Variants in CLCN3 observed in about 807,000 individuals in gnomAD.
CLCN3 encodes the protein H(+)/Cl(-) exchange transporter 3.
A neutral mutation model predicts 83.4 loss-of-function variants in CLCN3; 16 were observed. The ratio of observed to expected loss-of-function variants is 0.19; its 90% CI spans 0.13 to 0.29. CLCN3 has a LOEUF of 0.29. Ranked by LOEUF, CLCN3 falls within the 10% of genes least tolerant of loss-of-function variation. The pLI, the probability that CLCN3 is intolerant of heterozygous loss-of-function variation, is 1.00. For synonymous variants in CLCN3, 322 were observed against 346.2 expected, an observed-to-expected ratio of 0.93 and a Z score of 0.78; for missense variants, 544 against 1,006.0, an observed-to-expected ratio of 0.54 and a Z score of 6.21.
In CLCN3 at chr4:169,668,582, A is replaced by G. The variant is rs144884795; in HGVS notation, c.161-11468A>G. On this transcript the variant is annotated intron_variant, in intron 2 of 12. Transcript: ENST00000513761. The stretch of plus-strand genomic sequence containing the variant: ...TCTGACCTCAAAGTGCAGTAAAGTC[A>G]TGGAATTTCTCTACTAGGCCACCTG... Among the ~76,000 whole-genome samples, 162 of 152,250 alleles carry G rather than the reference A, an allele frequency of 1.1e-3. 1 individual carries two copies. Among genetic ancestry groups the G allele is most frequent in the African/African-American group, 3.3e-3 (138 of 41,542 alleles).
At chr4:169,660,553 T>A (rs933350603) in intron 2 of CLCN3, 4 of 653,682 alleles carry the variant, frequency 6.1e-6, no homozygotes, top group Non-Finnish European at 8.7e-6. Flanking sequence ...AATACTGCAG[T>A]ACGTTGTTTA....
At chr4:169,622,173 A>G (rs1055079208) in intron 1 of CLCN3, among the ~76,000 whole-genome samples, 5 of 152,214 alleles carry the variant, frequency 3.3e-5, no homozygotes, top group African/African-American at 4.8e-5. Context: ...AGAAGTCAAT[A>G]TGAATGTATA....
chr4:169,694,107 A>T (rs936134640), intron 7 of CLCN3, among the ~76,000 whole-genome samples: 2 of 152,208 alleles, frequency 1.3e-5, no homozygotes, highest in African/African-American at 4.8e-5. Context: ...GAGGAAAAAA[A>T]AAAGAAGCTA....
chr4:169,692,169 T>C lies in CLCN3; in HGVS notation c.785T>C (p.Leu262Ser). The C allele has an allele frequency of 1.2e-6, 2 of 1,612,682 alleles. No homozygotes were observed. The highest frequency in any genetic ancestry group is 8.5e-7 in the Non-Finnish European group (1 of 1,178,760). ...AGAGGTTACTTGGGAAAATGGACTTTAATGATTAAAACCATCACATTAGTC... is the reference window on the plus strand; with the variant it reads ...AGAGGTTACTTGGGAAAATGGACTTCAATGATTAAAACCATCACATTAGTC... ...IIRGYLGKWT[L>S]MIKTITLVLA... The change falls in exon 7 of 13, where the codon TTA (leucine) becomes TCA (serine). Residue 262 changes from leucine (L) to serine (S), a missense_variant. Leu to Ser is a moderately radical substitution (Grantham distance 145). Around this residue, in one of 6 missense-constraint regions of CLCN3, gnomAD observed 8 missense variants for 44.6 expected, o/e 0.18. Coordinates refer to ENST00000513761, the MANE Select transcript of CLCN3 (RefSeq NM_001829.4).
At chr4:169,714,420 TTTGC>T (rs1733347512) in intron 12 of CLCN3, among the ~76,000 whole-genome samples, 1 of 152,092 alleles carries the variant, frequency 6.6e-6, no homozygotes. Flanking sequence ...CTCATTTAAC[TTTGC>T]AGGACCTCTG....
rs1453457699 is a variant in CLCN3 at position 169,720,813 on chromosome 4, A to C, written c.*816A>C. 2 of 152,666 alleles carry C rather than the reference A, an allele frequency of 1.3e-5. No homozygotes were observed. Among genetic ancestry groups the C allele is most frequent in the African/African-American group, 4.8e-5 (2 of 41,460 alleles). The allele number at this position is 152,666 out of a possible 1,614,324, so 9.5% of individuals were successfully genotyped here. ...CTCATTGTGTGCCGTGTGGCTCAAA[A>C]CCGAAAACAATGAAGCTTGGTTTTA... On this transcript the variant is annotated 3_prime_UTR_variant, in exon 13 of 13. Transcript: ENST00000513761.
intron 11 of CLCN3, among the ~76,000 whole-genome samples, chr4:169,711,314 A>AAAAATCATTTATGTCAATTGCT (rs1733205045): frequency 6.6e-6 from 1 of 152,206 alleles, no homozygotes; most frequent in Non-Finnish European, 1.5e-5. Flanking sequence ...GGTATTTTTC[A>AAAAATCATTTATGTCAATTGCT]AAAATCATTT....
At chr4:169,710,205 G>T (rs1268672448) in intron 11 of CLCN3, among the ~76,000 whole-genome samples, 1 of 152,146 alleles carries the variant, frequency 6.6e-6, no homozygotes, top group African/African-American at 2.4e-5. Context: ...TTTTTTGTGT[G>T]TGTGGGGAGA....
chr4:169,633,361 A>G (rs1342119763), intron 1 of CLCN3, among the ~76,000 whole-genome samples: 1 of 152,222 alleles, frequency 6.6e-6, no homozygotes, highest in Non-Finnish European at 1.5e-5. Flanking sequence ...GCTACTGTGT[A>G]TCTATTACAA....
intron 2 of CLCN3, among the ~76,000 whole-genome samples, chr4:169,636,315 A>G (rs75215890): frequency 0.018 from 2,803 of 152,276 alleles, 72 homozygotes; most frequent in African/African-American, 0.063. Flanking sequence ...CACCACCCCA[A>G]AAGAAACTAC....
chr4:169,655,799 C>T (rs1365486713), intron 2 of CLCN3, among the ~76,000 whole-genome samples: 1 of 152,180 alleles, frequency 6.6e-6, no homozygotes, highest in African/African-American at 2.4e-5. Flanking sequence ...GCCGCCATGC[C>T]TGGGCCAATT....
At chr4:169,712,959 GA>G (rs1426104031) in intron 11 of CLCN3, 119 bp from the exon 12 acceptor site, 1 of 692,806 alleles carries the variant, frequency 1.4e-6, no homozygotes, top group East Asian at 2.7e-5. Flanking sequence ...GAGAAGATAG[GA>G]AAAAATGAAG....
At chr4:169,674,731 A>G (rs1191097055) in intron 2 of CLCN3, among the ~76,000 whole-genome samples, 1 of 152,088 alleles carries the variant, frequency 6.6e-6, no homozygotes, top group Non-Finnish European at 1.5e-5. Flanking sequence ...CTCTCCTTTT[A>G]GAAGTTTTAC....
At chr4:169,674,683 T>TG (rs1015278836) in intron 2 of CLCN3, among the ~76,000 whole-genome samples, 5 of 152,188 alleles carry the variant, frequency 3.3e-5, no homozygotes, top group African/African-American at 1.2e-4. Context: ...TATTATTTTT[T>TG]GGAGTACTTC....
intron 2 of CLCN3, among the ~76,000 whole-genome samples, chr4:169,678,964 C>T (rs1282035211): frequency 2.4e-4 from 37 of 152,214 alleles, no homozygotes; most frequent in Admixed American, 2.4e-3. Context: ...GGCAGAGGGG[C>T]TCCTCACTTC....
At position 169,723,517 on chromosome 4, in the gene CLCN3, T is replaced by G. The variant is rs1279045170; in HGVS notation, c.*3520T>G. The G allele has an allele frequency of 6.6e-6, 1 of 152,104 alleles. No homozygotes were observed. The highest frequency in any genetic ancestry group is 1.5e-5 in the Non-Finnish European group (1 of 68,024). 9.4% of individuals were successfully genotyped at this position (152,104 alleles called of 1,614,324 possible). On this transcript the variant is annotated 3_prime_UTR_variant, in exon 13 of 13. Coordinates refer to ENST00000513761, the MANE Select transcript of CLCN3 (RefSeq NM_001829.4). The stretch of plus-strand genomic sequence containing the variant: ...TTTTCGCAAGAAAAATTACGCTATT[T>G]GCATGAAAAGAGGTAAAACGATTTA...
At position 169,703,983 on chromosome 4, in the gene CLCN3, C is replaced by T. The variant is rs368471061; in HGVS notation, c.1564-15C>T. Reference sequence around the variant, plus strand: ...GAGGATCTCTGCTCCATAAAGAGTTCTGTTGTTGTTATAGGTTCCATCAGG... The same window carrying T: ...GAGGATCTCTGCTCCATAAAGAGTTTTGTTGTTGTTATAGGTTCCATCAGG... On this transcript the variant is annotated splice_polypyrimidine_tract_variant and intron_variant, in intron 9 of 12. Transcript: ENST00000513761. The T allele has an allele frequency of 6.2e-5, 100 of 1,613,014 alleles. No homozygotes were observed. The African/African-American group carries it at 1.1e-3, about 18-fold the overall frequency.
At chr4:169,702,091 C>A (rs558768274) in intron 9 of CLCN3, among the ~76,000 whole-genome samples, 2 of 152,280 alleles carry the variant, frequency 1.3e-5, no homozygotes, top group African/African-American at 4.8e-5. Context: ...AGCTGCCGAT[C>A]GCTAGTTTCA....
At chr4:169,621,138 C>G (rs1418000452) in intron 1 of CLCN3, 75 bp downstream of exon 1, 1 of 387,514 alleles carries the variant, frequency 2.6e-6, no homozygotes, top group Non-Finnish European at 4.5e-6. Flanking sequence ...GAGGCCACAG[C>G]GCTCATCTTG....
Sources: gnomAD v4.1 joint callset for allele counts (sites outside exome capture counted in the v4.1 genomes callset) on GRCh38, gnomAD v4.1.1 for gene constraint, gnomAD v4.1.1 regional missense constraint, MANE v1.5 for transcripts, NCBI Gene and HGNC (gene_info 2026-07-23, HGNC 2026-07-21) for gene names.